Variants in CIAO2A observed in about 807,000 individuals in gnomAD.
The protein encoded by CIAO2A is MIP18 family protein FAM96A.
CIAO2A carries 17 observed loss-of-function variants against 22.4 expected under a neutral mutation model. The observed-to-expected ratio is 0.76, with a 90% CI of 0.52 to 1.14. The LOEUF (loss-of-function observed/expected upper bound fraction) is 1.14, where lower values mean the gene tolerates loss of function less well. CIAO2A is among the 50% of genes most tolerant of loss of function. The pLI, the probability that CIAO2A is intolerant of heterozygous loss-of-function variation, is 0.00. For synonymous variants in CIAO2A, 74 were observed against 72.3 expected (o/e 1.02, Z -0.12); for missense variants, 192 against 191.4 (o/e 1.00, Z -0.02).
chr15:64,081,116 G>A lies in CIAO2A; in HGVS notation c.325C>T (p.Pro109Ser), dbSNP rs1002970833. 4 of 1,612,740 alleles carry A rather than the reference G, an allele frequency of 2.5e-6. No homozygotes were observed. In the African/African-American group the frequency reaches 4.0e-5, roughly 16 times the overall value. ...CLRVKLQRCL[P>S]FKHKLEIYIS... ...ATCTTTCTTACCTTATGTTTAAATG[G>A]TAAACATCGCTGAAGTTTTACTCTT... is the stretch of plus-strand genomic sequence containing the variant. Residue 109 changes from proline (P) to serine (S), a missense_variant, in exon 3 of 5, where the codon CCA becomes TCA. Pro to Ser is a moderately conservative substitution (Grantham distance 74). Coordinates refer to ENST00000300030, the MANE Select transcript of CIAO2A (RefSeq NM_032231.7).
At chr15:64,082,008 AG>A (rs1466964314) in intron 2 of CIAO2A, among the ~76,000 whole-genome samples, 1 of 152,230 alleles carries the variant, frequency 6.6e-6, no homozygotes, top group Non-Finnish European at 1.5e-5. Flanking sequence ...ACTGAAGTTC[AG>A]TTTATCATCC....
At chr15:64,078,647 A>T (rs2140107127) in intron 3 of CIAO2A, among the ~76,000 whole-genome samples, 1 of 151,562 alleles carries the variant, frequency 6.6e-6, no homozygotes, top group South Asian at 2.1e-4. Context: ...AACAAAAAAA[A>T]AAAAAAAAGA....
Position 64,072,968 on chromosome 15 carries a change from C to G in CIAO2A, c.446G>C (p.Arg149Pro), listed in dbSNP as rs779770789. The change falls in exon 5 of 5, where the codon CGG becomes CCG. Residue 149 changes from arginine (R) to proline (P), a missense_variant. Transcript: ENST00000300030. ...VAAAMENPNL[R>P]EIVEQCVLEP... Reference sequence around the variant, plus strand: ...AAGGACACACTGTTCCACAATTTCCCGTAAGTTGGGGTTTTCCATTGCAGC... The same window carrying G: ...AAGGACACACTGTTCCACAATTTCCGGTAAGTTGGGGTTTTCCATTGCAGC... 1.2e-6 allele frequency: 2 copies of G among 1,613,864 alleles called. No homozygotes were observed. The highest frequency in any genetic ancestry group is 1.7e-6 in the Non-Finnish European group (2 of 1,179,862).
At chr15:64,079,643 T>C (rs894701649) in intron 3 of CIAO2A, among the ~76,000 whole-genome samples, 4 of 152,184 alleles carry the variant, frequency 2.6e-5, no homozygotes, top group Non-Finnish European at 5.9e-5. Context: ...GAAGGCATAA[T>C]TGCCCAGCAA....
intron 3 of CIAO2A, among the ~76,000 whole-genome samples, chr15:64,077,791 A>G (rs1440151636): frequency 6.6e-6 from 1 of 152,230 alleles, no homozygotes; most frequent in Non-Finnish European, 1.5e-5. Context: ...AGAGGAGCAG[A>G]GCCAGGAGGA....
intron 3 of CIAO2A, among the ~76,000 whole-genome samples, chr15:64,077,682 TC>T (rs1318425038): frequency 6.6e-6 from 1 of 152,178 alleles, no homozygotes; most frequent in Admixed American, 6.5e-5. Flanking sequence ...TGGTTTACAT[TC>T]TTCAAAAATA....
Position 64,093,737 on chromosome 15 carries a change from G to A in CIAO2A, c.32C>T (p.Thr11Met), listed in dbSNP as rs148627319. 5 of 1,613,374 alleles carry A rather than the reference G, an allele frequency of 3.1e-6. No individual in the cohort carries two copies. The highest frequency in any genetic ancestry group is 2.7e-5 in the African/African-American group (2 of 74,896). Reference protein sequence around the residue: MQRVSGLLSWTLSRVLWLSGL... With the variant: MQRVSGLLSWMLSRVLWLSGL... ...GGAGAGCCACAGGACTCTGCTCAGC[G>A]TCCAGGAGAGCAGCCCGGACACCCG... The change falls in exon 1 of 5, where the codon ACG becomes ATG. Residue 11 changes from threonine (T) to methionine (M), a missense_variant. By Grantham distance (81) the Thr-to-Met change is moderately conservative (BLOSUM62 -1). Coordinates refer to ENST00000300030, the MANE Select transcript of CIAO2A (RefSeq NM_032231.7).
intron 3 of CIAO2A, among the ~76,000 whole-genome samples, chr15:64,078,002 T>A (rs552117466): frequency 1.3e-5 from 2 of 152,216 alleles, no homozygotes; most frequent in Non-Finnish European, 2.9e-5. Flanking sequence ...TGTGTATGTG[T>A]GTGTACATAT....
In CIAO2A at chr15:64,081,167, C is replaced by G. The variant is rs771086225; in HGVS notation, c.290-16G>C. 6.2e-7 allele frequency: 1 copy of G among 1,608,828 alleles called. No individual in the cohort carries two copies. The highest frequency in any genetic ancestry group is 8.5e-7 in the Non-Finnish European group (1 of 1,176,700). On this transcript the variant is annotated splice_polypyrimidine_tract_variant and intron_variant, in intron 2 of 4. Coordinates refer to ENST00000300030, the MANE Select transcript of CIAO2A (RefSeq NM_032231.7). The stretch of plus-strand genomic sequence containing the variant: ...AAGCACAGCCCTGTGGAGGGAAAAT[C>G]ACACCTCCAATTATCTCTTTATTGC...
At chr15:64,075,648 T>A in intron 3 of CIAO2A, 111 bp from the exon 4 acceptor site, 1 of 557,340 alleles carries the variant, frequency 1.8e-6, no homozygotes, top group Non-Finnish European at 3.0e-6. Flanking sequence ...GCCCAAATCC[T>A]GTTTCTTTTT....
chr15:64,085,760 G>T (rs1357964679), intron 2 of CIAO2A, among the ~76,000 whole-genome samples: 1 of 151,876 alleles, frequency 6.6e-6, no homozygotes, highest in Non-Finnish European at 1.5e-5. Context: ...CTGGGCTGGA[G>T]TGCAGTGGCG....
intron 2 of CIAO2A, among the ~76,000 whole-genome samples, chr15:64,087,730 G>A (rs1188490364): frequency 2.6e-5 from 4 of 152,144 alleles, no homozygotes; most frequent in Non-Finnish European, 4.4e-5. Context: ...TTTTTAATAG[G>A]TGAGATAGTC....
chr15:64,079,611 G>A (rs1369509586), intron 3 of CIAO2A, among the ~76,000 whole-genome samples: 2 of 152,214 alleles, frequency 1.3e-5, no homozygotes, highest in African/African-American at 4.8e-5. Context: ...TCTGTGTAAA[G>A]GCTAGGTAGC....
intron 3 of CIAO2A, among the ~76,000 whole-genome samples, chr15:64,078,636 A>T (rs1020936931): frequency 1.1e-5 from 1 of 90,722 alleles, no homozygotes; most frequent in Non-Finnish European, 2.2e-5. Flanking sequence ...ATTCCATCGC[A>T]AACAAAAAAA....
intron 1 of CIAO2A, among the ~76,000 whole-genome samples, chr15:64,089,168 A>G (rs966604066): frequency 6.6e-6 from 1 of 152,220 alleles, no homozygotes; most frequent in Non-Finnish European, 1.5e-5. Flanking sequence ...CAGGCTTTAT[A>G]GGAGCGGAAT....
In CIAO2A at chr15:64,088,630, T is replaced by C. The variant is rs531302546; in HGVS notation, c.289+57A>G. 9.2e-5 allele frequency: 126 copies of C among 1,365,952 alleles called. 2 individuals are homozygous for C. The Middle Eastern group carries it at 3.1e-3, about 34-fold the overall frequency. 84.6% of individuals were successfully genotyped at this position (1,365,952 alleles called of 1,614,324 possible). On this transcript the variant is annotated intron_variant, in intron 2 of 4. Coordinates refer to ENST00000300030, the MANE Select transcript of CIAO2A (RefSeq NM_032231.7). ...TGCAAATTGTTATTATGGGTCAATA[T>C]CAGCAAGAATAACTTAGAATTTATA...
In CIAO2A at chr15:64,081,108, T is replaced by G; in HGVS notation, c.333A>C (p.Lys111Asn). 6.2e-7 allele frequency: 1 copy of G among 1,613,302 alleles called. No homozygotes were observed. Among genetic ancestry groups the G allele is most frequent in the Non-Finnish European group, 8.5e-7 (1 of 1,179,766 alleles). ...AAAAATACATCTTTCTTACCTTATG[T>G]TTAAATGGTAAACATCGCTGAAGTT... The part of the protein sequence containing the change: ...RVKLQRCLPF[K>N]HKLEIYISEG... The change falls in exon 3 of 5, where the codon AAA (lysine) becomes AAC (asparagine). Residue 111 changes from lysine (K) to asparagine (N), a missense_variant. Transcript: ENST00000300030.
At chr15:64,087,643 G>A (rs2080808189) in intron 2 of CIAO2A, among the ~76,000 whole-genome samples, 1 of 152,194 alleles carries the variant, frequency 6.6e-6, no homozygotes, top group Admixed American at 6.5e-5. Flanking sequence ...GTCAACCAGT[G>A]AGAAAAGACA....
intron 1 of CIAO2A, among the ~76,000 whole-genome samples, chr15:64,090,697 G>A (rs1009689284): frequency 2.0e-5 from 3 of 152,192 alleles, no homozygotes; most frequent in African/African-American, 7.2e-5. Flanking sequence ...GAGAGTGCGT[G>A]CGCTGAAGCC....
Sources: allele counts gnomAD v4.1 joint callset (sites outside exome capture counted in the v4.1 genomes callset), GRCh38; gene constraint gnomAD v4.1.1; transcripts MANE v1.5; gene names NCBI Gene and HGNC (gene_info 2026-07-23, HGNC 2026-07-21).